The following EIF3E variants were observed in gnomAD, a reference collection of about 807,000 sequenced individuals.
EIF3E encodes the protein eIF-3 p48.
In EIF3E, 25 loss-of-function variants were observed where a neutral mutation model predicts 59.3. The ratio of observed to expected loss-of-function variants is 0.42; its 90% CI spans 0.31 to 0.59. EIF3E has a LOEUF of 0.59. Ranked by LOEUF, EIF3E falls within the 20% of genes least tolerant of loss-of-function variation. The pLI, the probability that EIF3E is intolerant of heterozygous loss-of-function variation, is 0.15. For missense variants in EIF3E, 317 were observed against 534.3 expected, an observed-to-expected ratio of 0.59 and a Z score of 4.01; for synonymous variants, 176 against 170.2, an observed-to-expected ratio of 1.03 and a Z score of -0.26.
chr8:108,214,809 T>C lies in EIF3E; in HGVS notation c.952-93A>G, dbSNP rs60647812. 3,567 of 1,128,532 alleles carry C rather than the reference T, an allele frequency of 3.2e-3. 70 individuals are homozygous for C. The African/African-American group carries it at 0.047, about 15-fold the overall frequency. 69.9% of individuals were successfully genotyped at this position (1,128,532 alleles called of 1,614,324 possible). A position where few individuals can be genotyped will look rare whatever the true frequency, so the allele number is the denominator to read the frequency against. ...CTTTATCTGCTTTATTTTTCCATTCTACAATCATGAGTTTTATACCACAGC... is the reference window on the plus strand; with the variant it reads ...CTTTATCTGCTTTATTTTTCCATTCCACAATCATGAGTTTTATACCACAGC... On this transcript the variant is annotated intron_variant, in intron 9 of 12. Transcript: ENST00000220849.
intron 7 of EIF3E, among the ~76,000 whole-genome samples, chr8:108,222,801 T>C (rs1323037109): frequency 4.0e-5 from 6 of 151,652 alleles, no homozygotes; most frequent in Admixed American, 6.6e-5. Context: ...GCTATACTTC[T>C]CATAGTTTTG....
chr8:108,228,033 G>A (rs1207815524), intron 7 of EIF3E: 9 of 335,300 alleles, frequency 2.7e-5, no homozygotes, highest in Non-Finnish European at 4.8e-5. Context: ...CTATGCTGCT[G>A]GCCCAGGGAC....
Position 108,201,933 on chromosome 8 carries a change from G to A in EIF3E, c.1300-10C>T. ...TTGCCCAGTTAGGAGCCTAAAATAT[G>A]CAAAAAGAAATCAACACCGTGAAAA... On this transcript the variant is annotated splice_polypyrimidine_tract_variant and intron_variant, in intron 12 of 12. Coordinates refer to ENST00000220849, the MANE Select transcript of EIF3E (RefSeq NM_001568.3). 6.4e-7 allele frequency: 1 copy of A among 1,563,798 alleles called. No individual in the cohort carries two copies. The highest frequency in any genetic ancestry group is 8.7e-7 in the Non-Finnish European group (1 of 1,154,752).
chr8:108,225,362 T>C (rs897369041), intron 7 of EIF3E, among the ~76,000 whole-genome samples: 7 of 151,546 alleles, frequency 4.6e-5, no homozygotes, highest in Non-Finnish European at 7.3e-5. Context: ...GTGATGTTCA[T>C]GAATGTGGTT....
At chr8:108,217,511 GA>G in intron 7 of EIF3E, 51 bp from the exon 8 acceptor site, 1 of 1,476,302 alleles carries the variant, frequency 6.8e-7, no homozygotes. Flanking sequence ...GTGAGATAAA[GA>G]AAACTCTCGA....
intron 7 of EIF3E, among the ~76,000 whole-genome samples, chr8:108,224,021 TC>T (rs1198793865): frequency 6.7e-6 from 1 of 150,174 alleles, no homozygotes; most frequent in Non-Finnish European, 1.5e-5. Context: ...ATAGAGACCA[TC>T]CTGGCTAACA....
At chr8:108,217,485 T>G in intron 7 of EIF3E, 25 bp from the exon 8 acceptor site, 1 of 1,557,064 alleles carries the variant, frequency 6.4e-7, no homozygotes, top group South Asian at 1.2e-5. Context: ...AAAAGTTATT[T>G]AATAACTTAC....
At chr8:108,202,013 C>T (rs1489457993) in intron 12 of EIF3E, 90 bp from the exon 13 acceptor site, 2 of 1,238,342 alleles carry the variant, frequency 1.6e-6, no homozygotes, top group South Asian at 1.7e-5. Flanking sequence ...GCATTTACTT[C>T]AGCACTATAG....
chr8:108,219,762 G>T (rs558346090), intron 7 of EIF3E, among the ~76,000 whole-genome samples: 147 of 152,120 alleles, frequency 9.7e-4, no homozygotes, highest in African/African-American at 3.5e-3. Flanking sequence ...GAGCTTAGGA[G>T]GTCGAGGCTG....
At chr8:108,215,595 G>A (rs1815287631) in intron 9 of EIF3E, among the ~76,000 whole-genome samples, 1 of 152,004 alleles carries the variant, frequency 6.6e-6, no homozygotes. Flanking sequence ...TCCAGCCTCG[G>A]CAACAGAGTG....
Position 108,216,601 on chromosome 8 carries a change from C to T in EIF3E, c.850-88G>A, listed in dbSNP as rs1380660220. The T allele has an allele frequency of 4.5e-6, 4 of 885,608 alleles. No homozygotes were observed. In the African/African-American group the frequency reaches 5.2e-5, roughly 12 times the overall value. 54.9% of individuals were successfully genotyped at this position (885,608 alleles called of 1,614,324 possible). ...GAATATCCCAATCTTCTTGTTTTCT[C>T]CTTCTTTACCATTAATTTCTAGCCA... On this transcript the variant is annotated intron_variant, in intron 8 of 12. Coordinates refer to ENST00000220849, the MANE Select transcript of EIF3E (RefSeq NM_001568.3).
intron 3 of EIF3E, among the ~76,000 whole-genome samples, chr8:108,236,693 T>G (rs1032764267): frequency 6.6e-6 from 1 of 152,158 alleles, no homozygotes; most frequent in Non-Finnish European, 1.5e-5. Flanking sequence ...GTTAATATTT[T>G]TCAAAAGGAC....
intron 1 of EIF3E, among the ~76,000 whole-genome samples, chr8:108,248,181 G>C (rs574114171): frequency 6.6e-6 from 1 of 152,270 alleles, no homozygotes; most frequent in East Asian, 1.9e-4. Flanking sequence ...CACTCCAAAA[G>C]ACTCGACATG....
At chr8:108,232,346 A>G (rs1035471976) in intron 5 of EIF3E, among the ~76,000 whole-genome samples, 8 of 152,210 alleles carry the variant, frequency 5.3e-5, no homozygotes, top group Admixed American at 2.6e-4. Flanking sequence ...CAGTAACTCT[A>G]TGTTGACTGT....
intron 7 of EIF3E, among the ~76,000 whole-genome samples, chr8:108,222,793 T>C (rs1261376443): frequency 1.3e-5 from 2 of 151,844 alleles, no homozygotes; most frequent in Non-Finnish European, 2.9e-5. Context: ...AATAGCAGGC[T>C]ATACTTCTCA....
rs1226198065 is a variant in EIF3E at position 108,204,742 on chromosome 8, TATATAGAGAGAG to T, written c.1062-1251_1062-1240del. Among the ~76,000 whole-genome samples, 1,009 of 103,788 alleles carry T rather than the reference TATATAGAGAGAG, an allele frequency of 9.7e-3. 14 individuals are homozygous for T. Among genetic ancestry groups the T allele is most frequent in the African/African-American group, 0.039 (933 of 23,936 alleles). The allele number at this position is 103,788 out of a possible 152,430, so 68.1% of individuals were successfully genotyped here. On this transcript the variant is annotated intron_variant, in intron 10 of 12. Coordinates refer to ENST00000220849, the MANE Select transcript of EIF3E (RefSeq NM_001568.3). ...TATATAGTATGTATGTATATATATA[TATATAGAGAGAG>T]AGAGAGAGAGAGAGAGAGAGAGAGA...
intron 10 of EIF3E, among the ~76,000 whole-genome samples, chr8:108,208,869 T>C (rs951897809): frequency 6.6e-6 from 1 of 152,126 alleles, no homozygotes; most frequent in African/African-American, 2.4e-5. Context: ...ATACCATAGC[T>C]GATAAAATGA....
At chr8:108,228,918 A>T in intron 6 of EIF3E, 152 bp downstream of exon 6, 1 of 766,588 alleles carries the variant, frequency 1.3e-6, no homozygotes, top group East Asian at 3.1e-5. Flanking sequence ...AAACTAGTCA[A>T]GCCACTAATC....
In EIF3E at chr8:108,229,118, A is replaced by C; in HGVS notation, c.549T>G (p.Asp183Glu). The change falls in exon 6 of 13, where the codon GAT becomes GAG. Residue 183 changes from aspartate (D) to glutamate (E), a missense_variant. Physicochemically the swap from Asp to Glu is conservative, Grantham distance 45. Transcript: ENST00000220849. ...ACCGTGTAAGGTCTTCCATGGCTGCATCCCAATTCTGCATTAAGATTTCAG... is the reference window on the plus strand; with the variant it reads ...ACCGTGTAAGGTCTTCCATGGCTGCCTCCCAATTCTGCATTAAGATTTCAG... ...LASEILMQNW[D>E]AAMEDLTRLK... 6.2e-7 allele frequency: 1 copy of C among 1,613,320 alleles called. No homozygotes were observed. Among genetic ancestry groups the C allele is most frequent in the Non-Finnish European group, 8.5e-7 (1 of 1,179,654 alleles).
Sources: allele counts gnomAD v4.1 joint callset (sites outside exome capture counted in the v4.1 genomes callset), GRCh38; gene constraint gnomAD v4.1.1; transcripts MANE v1.5; gene names NCBI Gene and HGNC (gene_info 2026-07-23, HGNC 2026-07-21).